PTPRD: variants seen among roughly 807,000 people sequenced by gnomAD.
PTPRD encodes the protein receptor-type tyrosine-protein phosphatase delta.
PTPRD carries 34 observed loss-of-function variants against 214.5 expected under a neutral mutation model. The ratio of observed to expected loss-of-function variants is 0.16; its 90% CI spans 0.12 to 0.21. PTPRD has a LOEUF of 0.21. Among genes scored for constraint, PTPRD ranks in the 10% least tolerant of loss-of-function variants. PTPRD has a pLI of 1.00. For synonymous variants in PTPRD, 1,128 were observed against 845.7 expected, an observed-to-expected ratio of 1.33 and a Z score of -5.79; for missense variants, 2,545 against 2,398.7, an observed-to-expected ratio of 1.06 and a Z score of -1.27.
intron 7 of PTPRD, among the ~76,000 whole-genome samples, chr9:9,591,356 C>G (rs1371543056): frequency 1.3e-5 from 2 of 151,874 alleles, no homozygotes; most frequent in Non-Finnish European, 1.5e-5. Flanking sequence ...GTCCTACCTC[C>G]AAAAGGAAGT....
chr9:9,613,261 G>A (rs999372465), intron 7 of PTPRD, among the ~76,000 whole-genome samples: 14 of 148,722 alleles, frequency 9.4e-5, no homozygotes, highest in South Asian at 4.3e-4. Flanking sequence ...AAAACTTTTC[G>A]ATTACATTGA....
In PTPRD at chr9:9,061,150, G is replaced by A. The variant is rs539228937; in HGVS notation, c.-142-42415C>T. 1.6e-4 allele frequency among the ~76,000 whole-genome samples: 24 copies of A among 152,192 alleles called. No individual in the cohort carries two copies. In the South Asian group the frequency reaches 3.3e-3, roughly 21 times the overall value. ...ACAAAAGGGAGACTGTCAGGGTACC[G>A]GCTATTTTCATCATGGTTACCTGGG... On this transcript the variant is annotated intron_variant, in intron 10 of 45. Coordinates refer to ENST00000381196, the MANE Select transcript of PTPRD (RefSeq NM_002839.4).
intron 7 of PTPRD, among the ~76,000 whole-genome samples, chr9:9,726,937 A>G (rs2098104843): frequency 6.6e-6 from 1 of 152,232 alleles, no homozygotes; most frequent in African/African-American, 2.4e-5. Flanking sequence ...TTTGTTAAAA[A>G]GTATGTACAA....
chr9:10,392,762 T>C lies in PTPRD; in HGVS notation c.-599-51745A>G, dbSNP rs571143844. Reference sequence around the variant, plus strand: ...GTTCACTGAAAAAACAGAAAAAGGATTGGAGGACCATTCGGATGGAAGGAA... The same window carrying C: ...GTTCACTGAAAAAACAGAAAAAGGACTGGAGGACCATTCGGATGGAAGGAA... On this transcript the variant is annotated intron_variant, in intron 2 of 45. Transcript: ENST00000381196. Among the ~76,000 whole-genome samples the C allele has an allele frequency of 7.2e-5, 11 of 151,958 alleles. No individual in the cohort carries two copies. The East Asian group carries it at 2.0e-3, about 27-fold the overall frequency.
At chr9:10,431,227 G>A (rs1476790921) in intron 2 of PTPRD, among the ~76,000 whole-genome samples, 1 of 151,872 alleles carries the variant, frequency 6.6e-6, no homozygotes, top group South Asian at 2.1e-4. Flanking sequence ...TTCCAGTTTA[G>A]CCATATGTAG....
At chr9:9,956,090 T>C (rs1338784095) in intron 4 of PTPRD, among the ~76,000 whole-genome samples, 2 of 152,114 alleles carry the variant, frequency 1.3e-5, no homozygotes, top group East Asian at 3.9e-4. Flanking sequence ...AATATATAGA[T>C]TTTGCTCATA....
intron 22 of PTPRD, 57 bp downstream of exon 22, chr9:8,507,244 A>G (rs958422564): frequency 1.3e-6 from 2 of 1,566,736 alleles, no homozygotes; most frequent in Non-Finnish European, 1.7e-6. Context: ...ACACAAAAAT[A>G]AAAAAGTGGC....
chr9:8,986,636 C>T (rs2099346383), intron 11 of PTPRD, among the ~76,000 whole-genome samples: 1 of 151,908 alleles, frequency 6.6e-6, no homozygotes, highest in Non-Finnish European at 1.5e-5. Flanking sequence ...CTATATTTAG[C>T]CCTCATAAAT....
At chr9:8,497,158 G>T in intron 26 of PTPRD, 84 bp downstream of exon 26, 3 of 1,194,428 alleles carry the variant, frequency 2.5e-6, no homozygotes, top group African/African-American at 1.6e-5. Flanking sequence ...AAACTGTGAT[G>T]ACAGATCACA....
In PTPRD at chr9:9,255,553, C is replaced by G. The variant is rs550388835; in HGVS notation, c.-202-72190G>C. Among the ~76,000 whole-genome samples, 83 of 152,172 alleles carry G rather than the reference C, an allele frequency of 5.5e-4. 1 individual carries two copies. Among genetic ancestry groups the G allele is most frequent in the African/African-American group, 1.9e-3 (77 of 41,558 alleles). ...AGAATGTATGTAACATTGGGCAACT[C>G]TCTCTGCCTTTTAAGTGATTACATA... is the stretch of plus-strand genomic sequence containing the variant. On this transcript the variant is annotated intron_variant, in intron 9 of 45. Transcript: ENST00000381196.
Position 10,210,110 on chromosome 9 carries a change from T to TA in PTPRD, c.-545+130852dup, listed in dbSNP as rs2099508653. 2.0e-5 allele frequency among the ~76,000 whole-genome samples: 3 copies of TA among 152,140 alleles called. No homozygotes were observed. The South Asian group carries it at 6.2e-4, about 31-fold the overall frequency. Reference sequence around the variant, plus strand: ...AGGAAAACTATTCATTTCTACAAATTAAAAAAATTTCAACTGAATTACCAA... The same window carrying TA: ...AGGAAAACTATTCATTTCTACAAATTAAAAAAAATTTCAACTGAATTACCAA... On this transcript the variant is annotated intron_variant, in intron 3 of 45. Transcript: ENST00000381196.
chr9:9,503,872 TA>T (rs566229383), intron 8 of PTPRD, among the ~76,000 whole-genome samples: 17 of 150,812 alleles, frequency 1.1e-4, no homozygotes, highest in Admixed American at 9.3e-4. Flanking sequence ...CCACCTTACA[TA>T]AAAAAAAATA....
At chr9:9,894,574 C>A (rs892404568) in intron 5 of PTPRD, among the ~76,000 whole-genome samples, 1 of 152,022 alleles carries the variant, frequency 6.6e-6, no homozygotes, top group African/African-American at 2.4e-5. Context: ...TCAGCACCAT[C>A]ATTTTTTCAC....
At chr9:10,008,194 T>G (rs992293789) in intron 4 of PTPRD, among the ~76,000 whole-genome samples, 1 of 151,974 alleles carries the variant, frequency 6.6e-6, no homozygotes, top group African/African-American at 2.4e-5. Context: ...AGTTCTCACC[T>G]GTGATGGGAT....
intron 3 of PTPRD, among the ~76,000 whole-genome samples, chr9:10,093,687 C>T (rs577010312): frequency 6.6e-6 from 1 of 151,498 alleles, no homozygotes; most frequent in Non-Finnish European, 1.5e-5. Context: ...CACATGGAAT[C>T]AACCCAGGTG....
intron 11 of PTPRD, among the ~76,000 whole-genome samples, chr9:8,887,212 G>A (rs1007026702): frequency 3.1e-4 from 47 of 152,132 alleles, no homozygotes; most frequent in African/African-American, 9.4e-4. Flanking sequence ...ATTATTTTCT[G>A]CTGCCTCTTC....
At chr9:9,359,624 G>C (rs1183082442) in intron 9 of PTPRD, among the ~76,000 whole-genome samples, 1 of 151,200 alleles carries the variant, frequency 6.6e-6, no homozygotes, top group Non-Finnish European at 1.5e-5. Context: ...TGGAGATGTG[G>C]TATGAAATCC....
intron 3 of PTPRD, among the ~76,000 whole-genome samples, chr9:10,180,632 T>C (rs903734067): frequency 6.8e-6 from 1 of 147,630 alleles, no homozygotes; most frequent in East Asian, 2.0e-4. Flanking sequence ...ACTCATGGGC[T>C]AATTTACTTT....
intron 31 of PTPRD, among the ~76,000 whole-genome samples, chr9:8,466,817 C>G (rs1200663004): frequency 6.6e-6 from 1 of 151,856 alleles, no homozygotes; most frequent in Non-Finnish European, 1.5e-5. Context: ...TGCAGCAAAA[C>G]TATTTACTAG....
Sources: gnomAD v4.1 joint callset for allele counts (sites outside exome capture counted in the v4.1 genomes callset) on GRCh38, gnomAD v4.1.1 for gene constraint, MANE v1.5 for transcripts, NCBI Gene and HGNC (gene_info 2026-07-23, HGNC 2026-07-21) for gene names.